Variants in ZNF831 observed in about 807,000 individuals in gnomAD.
ZNF831 encodes the protein chromosome 20 open reading frame 174.
A neutral mutation model predicts 95.8 loss-of-function variants in ZNF831; 59 were observed. The observed-to-expected ratio is 0.62, with a 90% CI of 0.50 to 0.77. The LOEUF (loss-of-function observed/expected upper bound fraction) is 0.77. Ranked by LOEUF, ZNF831 falls within the 30% of genes least tolerant of loss-of-function variation. The pLI is 0.00. For synonymous variants in ZNF831, 961 were observed against 925.5 expected, an observed-to-expected ratio of 1.04 and a Z score of -0.70; for missense variants, 2,205 against 2,164.0, an observed-to-expected ratio of 1.02 and a Z score of -0.38.
At position 59,194,394 on chromosome 20, in the gene ZNF831, T is replaced by G. The variant is rs777210706; in HGVS notation, c.3375T>G (p.Cys1125Trp). 3.1e-6 allele frequency: 5 copies of G among 1,610,028 alleles called. No homozygotes were observed. Among genetic ancestry groups the G allele is most frequent in the Non-Finnish European group, 3.4e-6 (4 of 1,178,216 alleles). The change falls in exon 2 of 6, where the codon TGT becomes TGG. Residue 1125 changes from cysteine to tryptophan, a missense_variant. Physicochemically the swap from Cys to Trp is radical, Grantham distance 215 (BLOSUM62 -2). Coordinates refer to ENST00000371030, the MANE Select transcript of ZNF831 (RefSeq NM_178457.3). Reference protein sequence around the residue: ...SSGPLVGPDPCSPLQPGSFLT... With the variant: ...SSGPLVGPDPWSPLQPGSFLT... ...GGCCCCTGGTGGGCCCCGACCCGTG[T>G]TCCCCCCTCCAGCCTGGCTCCTTCC... is the stretch of plus-strand genomic sequence containing the variant.
chr20:59,195,964 T>A lies in ZNF831; in HGVS notation c.3834T>A (p.Arg1278=), dbSNP rs373187067. 4.3e-6 allele frequency: 7 copies of A among 1,614,002 alleles called. No homozygotes were observed. In the African/African-American group the frequency reaches 9.3e-5, roughly 22 times the overall value. The change falls in exon 3 of 6, where the codon CGT becomes CGA. Residue 1278 remains arginine, a synonymous_variant. Coordinates refer to ENST00000371030, the MANE Select transcript of ZNF831 (RefSeq NM_178457.3). ...KGLPWRAKMS[R]GNSKQRKLKI... ...TGCCTTGGAGGGCAAAGATGTCTCG[T>A]GGGAACAGCAAGCAGAGAAAACTGA...
rs1568803100 is a variant in ZNF831, at chr20:59,255,685, C to T, written c.*942C>T. On this transcript the variant is annotated 3_prime_UTR_variant, in exon 6 of 6. Transcript: ENST00000371030. ...TGTACAGCTTCAACTGATGCCTGCT[C>T]GTCGTGACGGGAGCCTTTTAGATTT... is the stretch of plus-strand genomic sequence containing the variant. 1.3e-5 allele frequency: 2 copies of T among 152,186 alleles called. No homozygotes were observed. Among genetic ancestry groups the T allele is most frequent in the Admixed American group, 6.5e-5 (1 of 15,280 alleles). 9.4% of individuals were successfully genotyped at this position (152,186 alleles called of 1,614,324 possible). A position where few individuals can be genotyped will look rare whatever the true frequency, so the allele number is the denominator to read the frequency against.
Position 59,192,174 on chromosome 20 carries a change from C to T in ZNF831, c.1155C>T (p.Val385=), listed in dbSNP as rs765050349. Residue 385 remains valine, a synonymous_variant, in exon 2 of 6, where the codon GTC becomes GTT. Coordinates refer to ENST00000371030, the MANE Select transcript of ZNF831 (RefSeq NM_178457.3). The surrounding 1 kb of genome is among the most constrained non-coding windows in gnomAD (Gnocchi z 5.2). ...GEGGPGPGPG[V]AGAEPGAREA... is the part of the protein sequence containing the mutation. The stretch of plus-strand genomic sequence containing the variant: ...GCGGCCCGGGCCCGGGGCCAGGGGT[C>T]GCAGGGGCCGAGCCCGGGGCGCGAG... The T allele has an allele frequency of 6.4e-7, 1 of 1,563,048 alleles. No individual in the cohort carries two copies. Among genetic ancestry groups the T allele is most frequent in the Non-Finnish European group, 8.6e-7 (1 of 1,158,714 alleles).
chr20:59,130,025 G>T (rs1442520115), intron 1 of ZNF831, among the ~76,000 whole-genome samples: 3 of 152,198 alleles, frequency 2.0e-5, no homozygotes, highest in Non-Finnish European at 4.4e-5. Context: ...CCCTTGGGTT[G>T]GGTGTGGTTA....
At chr20:59,190,935 TGAGGAGA>T in intron 1 of ZNF831, 42 bp from the exon 2 acceptor site, 1 of 1,436,788 alleles carries the variant, frequency 7.0e-7, no homozygotes, top group Middle Eastern at 1.8e-4. Context: ...ATTTACTGCA[TGAGGAGA>T]GAGGAGAGGT....
intron 3 of ZNF831, among the ~76,000 whole-genome samples, chr20:59,197,260 G>A (rs903919297): frequency 6.6e-6 from 1 of 152,092 alleles, no homozygotes; most frequent in Non-Finnish European, 1.5e-5. Context: ...TAACATTATG[G>A]GGCACTTGCT....
In ZNF831 at chr20:59,208,807, C is replaced by T. The variant is rs559559008; in HGVS notation, c.4027+1751C>T. On this transcript the variant is annotated intron_variant, in intron 4 of 5. Transcript: ENST00000371030. The surrounding 1 kb of genome is among the most constrained non-coding windows in gnomAD (Gnocchi z 4.2). ...AGACGCTGGCAGAGAGCTGGTAGCC[C>T]CCGCTACCTGGGAGGTTCTGATGGT... Among the ~76,000 whole-genome samples, 12 of 152,244 alleles carry T rather than the reference C, an allele frequency of 7.9e-5. No individual in the cohort carries two copies. In the South Asian group the frequency reaches 2.1e-3, roughly 26 times the overall value.
chr20:59,189,562 A>C (rs1228913946), intron 1 of ZNF831, among the ~76,000 whole-genome samples: 2 of 151,954 alleles, frequency 1.3e-5, no homozygotes, highest in African/African-American at 4.8e-5. Flanking sequence ...CCCAGGCTGG[A>C]GTGCAGTGGT....
intron 4 of ZNF831, among the ~76,000 whole-genome samples, chr20:59,221,813 T>C (rs1986092369): frequency 6.6e-6 from 1 of 152,224 alleles, no homozygotes; most frequent in Admixed American, 6.5e-5. Flanking sequence ...TTTCAGTCAT[T>C]TTCAGCTTTC....
chr20:59,173,240 C>T (rs1981880691), intron 1 of ZNF831, among the ~76,000 whole-genome samples: 1 of 152,172 alleles, frequency 6.6e-6, no homozygotes, highest in Non-Finnish European at 1.5e-5. Flanking sequence ...GATTAGTGCC[C>T]AAATTTTCAC....
chr20:59,202,025 T>C (rs1568765846), intron 3 of ZNF831, among the ~76,000 whole-genome samples: 1 of 152,236 alleles, frequency 6.6e-6, no homozygotes, highest in Non-Finnish European at 1.5e-5. Context: ...GTTTCTCTTC[T>C]TTCATGGATC....
At chr20:59,166,838 G>A (rs1483859347) in intron 1 of ZNF831, among the ~76,000 whole-genome samples, 1 of 152,196 alleles carries the variant, frequency 6.6e-6, no homozygotes, top group Non-Finnish European at 1.5e-5. Context: ...TTGTTGAAGG[G>A]CATCTGGGCT....
chr20:59,179,772 A>C (rs1982461619), intron 1 of ZNF831, among the ~76,000 whole-genome samples: 1 of 152,004 alleles, frequency 6.6e-6, no homozygotes, highest in Non-Finnish European at 1.5e-5. Context: ...CCATTTTGAG[A>C]TCCTTAACTT....
chr20:59,140,067 A>C (rs980423709), intron 1 of ZNF831, among the ~76,000 whole-genome samples: 1 of 152,222 alleles, frequency 6.6e-6, no homozygotes, highest in South Asian at 2.1e-4. Flanking sequence ...ATAAGAATGC[A>C]TTGTGTCATG....
Position 59,254,468 on chromosome 20 carries a change from A to G in ZNF831, c.4759A>G (p.Lys1587Glu), listed in dbSNP as rs2146770264. 1.9e-6 allele frequency: 3 copies of G among 1,614,190 alleles called. No individual in the cohort carries two copies. The highest frequency in any genetic ancestry group is 2.7e-5 in the African/African-American group (2 of 75,048). Residue 1587 changes from lysine to glutamate, a missense_variant, in exon 6 of 6, where the codon AAG (lysine) becomes GAG (glutamate). Transcript: ENST00000371030. The surrounding 1 kb of genome is among the most constrained non-coding windows in gnomAD (Gnocchi z 4.5). Reference sequence around the variant, plus strand: ...TTCACACCACAAGGAAGGGAGACACAAGACGTTTTTTCCTTCCAGAGGCCA... The same window carrying G: ...TTCACACCACAAGGAAGGGAGACACGAGACGTTTTTTCCTTCCAGAGGCCA... ...ASSHHKEGRH[K>E]TFFPSRGQYG... is the part of the protein sequence containing the mutation.
chr20:59,151,076 TG>T (rs1980205539), intron 2 of ZNF831, among the ~76,000 whole-genome samples: 1 of 152,220 alleles, frequency 6.6e-6, no homozygotes, highest in African/African-American at 2.4e-5. Flanking sequence ...TGATAGCGGC[TG>T]GGTCTCTGGA....
At chr20:59,228,488 C>A (rs1239729427) in intron 4 of ZNF831, among the ~76,000 whole-genome samples, 1 of 151,804 alleles carries the variant, frequency 6.6e-6, no homozygotes, top group Non-Finnish European at 1.5e-5. Context: ...GTGAGTGATG[C>A]CATTCTAGAC....
intron 4 of ZNF831, among the ~76,000 whole-genome samples, chr20:59,218,398 G>C (rs781120524): frequency 1.3e-5 from 2 of 152,212 alleles, no homozygotes; most frequent in Admixed American, 6.5e-5. Flanking sequence ...GGGACTCTTT[G>C]AGGTGTGAGG....
rs561815380 is a variant in ZNF831, at chr20:59,253,864, C to CT, written c.4189-34_4189-33insT. 20 of 1,118,292 alleles carry CT rather than the reference C, an allele frequency of 1.8e-5. 3 individuals carry two copies. The highest frequency in any genetic ancestry group is 2.3e-5 in the Non-Finnish European group (19 of 831,960). 69.3% of individuals were successfully genotyped at this position (1,118,292 alleles called of 1,614,324 possible). ...TTTCTTTGTACCAATTAACCTCCCC[C>CT]CCCACTTTTTTTTTCCTTTGCACTT... On this transcript the variant is annotated intron_variant, in intron 5 of 5. Transcript: ENST00000371030.
Sources: allele counts gnomAD v4.1 joint callset (sites outside exome capture counted in the v4.1 genomes callset), GRCh38; gene constraint gnomAD v4.1.1; non-coding constraint Gnocchi (gnomAD v3.1); transcripts MANE v1.5; gene names NCBI Gene and HGNC (gene_info 2026-07-23, HGNC 2026-07-21).